The following USH2A variants were observed in gnomAD, a reference collection of about 807,000 sequenced individuals.
USH2A encodes the protein usherin.
USH2A carries 443 observed loss-of-function variants against 538.9 expected under a neutral mutation model. The observed-to-expected ratio is 0.82, with a 90% confidence interval of 0.76 to 0.89. The LOEUF (loss-of-function observed/expected upper bound fraction) is 0.89. Among genes scored for constraint, USH2A ranks in the 40% least tolerant of loss-of-function variants. The pLI, the probability that USH2A is intolerant of heterozygous loss-of-function variation, is 0.00. For synonymous variants in USH2A, 2,413 were observed against 2,273.5 expected, an observed-to-expected ratio of 1.06 and a Z score of -1.75; for missense variants, 6,633 against 6,324.8, an observed-to-expected ratio of 1.05 and a Z score of -1.65.
rs77614860 is a variant in USH2A at position 215,883,190 on chromosome 1, C to T, written c.8224-4092G>A. ...TGTCATTATTTTTAATGGTAAAAAC[C>T]GTAATTACTTTTGCACCAACCTAAT... On this transcript the variant is annotated intron_variant, in intron 41 of 71. Transcript: ENST00000307340. 5.5e-3 allele frequency among the ~76,000 whole-genome samples: 832 copies of T among 151,908 alleles called. 10 individuals carry two copies. Among genetic ancestry groups the T allele is most frequent in the African/African-American group, 0.019 (785 of 41,430 alleles).
chr1:216,402,026 G>A (rs568619150), intron 3 of USH2A, among the ~76,000 whole-genome samples: 2 of 152,026 alleles, frequency 1.3e-5, no homozygotes, highest in African/African-American at 4.8e-5. Flanking sequence ...TCTTTAAATA[G>A]AAATAAAAAG....
At chr1:215,781,539 C>T (rs895689715) in intron 54 of USH2A, among the ~76,000 whole-genome samples, 18 of 152,218 alleles carry the variant, frequency 1.2e-4, no homozygotes, top group African/African-American at 2.6e-4. Flanking sequence ...TCTGTATTCT[C>T]GGTTCTGACC....
intron 67 of USH2A, among the ~76,000 whole-genome samples, chr1:215,646,206 C>T (rs1327717462): frequency 2.0e-5 from 3 of 152,024 alleles, no homozygotes; most frequent in Non-Finnish European, 2.9e-5. Context: ...GTGACCTGTG[C>T]TGTTGCAAGG....
At chr1:216,045,220 G>A (rs2030460728) in intron 32 of USH2A, among the ~76,000 whole-genome samples, 1 of 152,048 alleles carries the variant, frequency 6.6e-6, no homozygotes, top group Non-Finnish European at 1.5e-5. Context: ...GTCAACATTT[G>A]ATTAATAATG....
chr1:216,374,510 T>G (rs186406403), intron 3 of USH2A, among the ~76,000 whole-genome samples: 48 of 152,308 alleles, frequency 3.2e-4, no homozygotes, highest in Admixed American at 7.2e-4. Context: ...TCATTTGCAT[T>G]AATATATCTG....
chr1:215,858,174 T>C (rs974878225), intron 44 of USH2A, among the ~76,000 whole-genome samples: 1 of 152,098 alleles, frequency 6.6e-6, no homozygotes, highest in Non-Finnish European at 1.5e-5. Context: ...TATATTGGGA[T>C]ATATTTTCTC....
chr1:216,327,592 TG>T lies in USH2A; in HGVS notation c.846del (p.Asn282LysfsTer54), dbSNP rs1224428688. 3 of 1,613,064 alleles carry T rather than the reference TG, an allele frequency of 1.9e-6. No homozygotes were observed. The highest frequency in any genetic ancestry group is 2.5e-6 in the Non-Finnish European group (3 of 1,179,436). On this transcript the variant is annotated frameshift_variant and splice_region_variant, in exon 5 of 72. Transcript: ENST00000307340. LOFTEE classifies it high-confidence loss of function. ...DFRLYQVALT[N>X]REILEVFSGD... ...GTTTACAATGCAACATCTGCTTACC[TG>T]TTTGTAAGTGCCACTTGGTATAATC...
intron 35 of USH2A, among the ~76,000 whole-genome samples, chr1:215,984,200 C>T (rs139638564): frequency 5.3e-4 from 81 of 152,140 alleles, no homozygotes; most frequent in African/African-American, 1.9e-3. Flanking sequence ...AAATATTCAC[C>T]ATAAAAAATC....
At chr1:216,098,072 T>C (rs1250618441) in intron 21 of USH2A, among the ~76,000 whole-genome samples, 2 of 151,652 alleles carry the variant, frequency 1.3e-5, no homozygotes, top group African/African-American at 4.8e-5. Context: ...TACCGTTACA[T>C]GGCCCCATCT....
rs370498260 is a variant in USH2A, at chr1:216,084,650, T to C, written c.5167+48A>G. The stretch of plus-strand genomic sequence containing the variant: ...AGGAGAGATTAAATTATACAAAGGA[T>C]AGAACATAGATTTTAAGTGAACACT... On this transcript the variant is annotated intron_variant, in intron 25 of 71. Transcript: ENST00000307340. The C allele has an allele frequency of 4.0e-5, 64 of 1,595,118 alleles. No individual in the cohort carries two copies. The East Asian group carries it at 8.0e-4, about 20-fold the overall frequency.
chr1:215,745,247 A>G (rs1377348644), intron 58 of USH2A, among the ~76,000 whole-genome samples: 1 of 152,212 alleles, frequency 6.6e-6, no homozygotes, highest in South Asian at 2.1e-4. Flanking sequence ...TTTGGGCTTC[A>G]TATATAATCA....
intron 4 of USH2A, among the ~76,000 whole-genome samples, chr1:216,363,673 T>TA (rs576396921): frequency 5.9e-5 from 9 of 151,886 alleles, no homozygotes; most frequent in African/African-American, 1.7e-4. Context: ...ACTGAAACAT[T>TA]AAAAAAACCT....
Position 216,217,490 on chromosome 1 carries a change from T to C in USH2A, c.3054A>G (p.Thr1018=), listed in dbSNP as rs760903334. ...GALNETCHLV[T]GQCFCKQFVT... The stretch of plus-strand genomic sequence containing the variant: ...CAAATTGTTTACAGAAACACTGGCC[T>C]GTGACCAAGTGACAGGTTTCATTCA... The change falls in exon 15 of 72, where the codon ACA becomes ACG. Residue 1018 remains threonine (T), a synonymous_variant. Transcript: ENST00000307340. 1 of 1,613,302 alleles carries C rather than the reference T, an allele frequency of 6.2e-7. No homozygotes were observed. The highest frequency in any genetic ancestry group is 2.2e-5 in the East Asian group (1 of 44,772).
chr1:216,087,347 G>A (rs1393471827), intron 23 of USH2A, among the ~76,000 whole-genome samples: 1 of 152,052 alleles, frequency 6.6e-6, no homozygotes, highest in Non-Finnish European at 1.5e-5. Context: ...TGAGCAGCCT[G>A]CCTGATATCT....
At chr1:216,010,661 T>C (rs1033471824) in intron 32 of USH2A, among the ~76,000 whole-genome samples, 28 of 151,718 alleles carry the variant, frequency 1.8e-4, no homozygotes, top group Non-Finnish European at 1.5e-5. Context: ...CGGCCAGGCT[T>C]CTAAACCTCT....
chr1:215,842,114 A>C (rs560813397), intron 46 of USH2A, among the ~76,000 whole-genome samples: 1 of 152,298 alleles, frequency 6.6e-6, no homozygotes, highest in Admixed American at 6.5e-5. Flanking sequence ...ACCTGAGGTC[A>C]GGAGTTTGAT....
At chr1:215,833,320 C>A (rs1337317467) in intron 47 of USH2A, among the ~76,000 whole-genome samples, 1 of 151,768 alleles carries the variant, frequency 6.6e-6, no homozygotes, top group Non-Finnish European at 1.5e-5. Flanking sequence ...CTGTAGTAAT[C>A]AAGATTGTGC....
intron 38 of USH2A, among the ~76,000 whole-genome samples, chr1:215,930,141 A>C (rs1024486129): frequency 1.3e-5 from 2 of 152,076 alleles, no homozygotes; most frequent in Non-Finnish European, 2.9e-5. Flanking sequence ...CTCAGAGGAA[A>C]ATTGGATTAG....
At chr1:215,741,098 T>A (rs1270241160) in intron 60 of USH2A, among the ~76,000 whole-genome samples, 1 of 152,192 alleles carries the variant, frequency 6.6e-6, no homozygotes, top group Admixed American at 6.5e-5. Flanking sequence ...CTATGTGGGC[T>A]ATAAGGTCTC....
Sources: gnomAD v4.1 joint callset for allele counts (sites outside exome capture counted in the v4.1 genomes callset) on GRCh38, gnomAD v4.1.1 for gene constraint, MANE v1.5 for transcripts, NCBI Gene and HGNC (gene_info 2026-07-23, HGNC 2026-07-21) for gene names.